The following MYO16 variants were observed in gnomAD, a reference collection of about 807,000 sequenced individuals.
The protein encoded by MYO16 is unconventional myosin-XVI.
MYO16 carries 94 observed loss-of-function variants against 205.3 expected under a neutral mutation model. That is an observed-to-expected ratio of 0.46 (90% CI 0.39 to 0.54). The LOEUF (loss-of-function observed/expected upper bound fraction) is 0.54, where lower values mean the gene tolerates loss of function less well. Ranked by LOEUF, MYO16 falls within the 20% of genes least tolerant of loss-of-function variation. The probability of loss-of-function intolerance (pLI) is 0.00; values close to 1 mark genes in which losing one functional copy is unlikely to be tolerated. For missense variants in MYO16, 2,315 were observed against 2,387.5 expected, an observed-to-expected ratio of 0.97 and a Z score of 0.63; for synonymous variants, 988 against 954.0, an observed-to-expected ratio of 1.04 and a Z score of -0.66.
rs746887690 is a variant in MYO16 at position 109,189,112 on chromosome 13, AAAG to A, written c.5415+9483_5415+9485del. Among the ~76,000 whole-genome samples the A allele has an allele frequency of 6.6e-5, 10 of 152,178 alleles. No homozygotes were observed. The South Asian group carries it at 1.0e-3, about 16-fold the overall frequency. On this transcript the variant is annotated intron_variant, in intron 34 of 34. Coordinates refer to ENST00000457511, the MANE Select transcript of MYO16 (RefSeq NM_001198950.3). ...TCTGTCTAAAAAAAATGAAAAAAAA[AAAG>A]AAGGACACATCCAGCATAGAAGAAA... is the stretch of plus-strand genomic sequence containing the variant.
chr13:108,518,184 T>C, the MYO16 span, among the ~76,000 whole-genome samples: 2 of 152,162 alleles, frequency 1.3e-5, no homozygotes, highest in Non-Finnish European at 2.9e-5. Flanking sequence ...GGTAGAAAAA[T>C]ATAGTAGCTT....
At chr13:108,630,433 A>G (rs1023053040) in intron 1 of MYO16, among the ~76,000 whole-genome samples, 2 of 152,180 alleles carry the variant, frequency 1.3e-5, no homozygotes, top group South Asian at 2.1e-4. Flanking sequence ...TGATGTTCAT[A>G]TGGTGAAATT....
intron 2 of MYO16, among the ~76,000 whole-genome samples, chr13:108,680,008 C>A (rs950072455): frequency 6.7e-6 from 1 of 150,256 alleles, no homozygotes; most frequent in Non-Finnish European, 1.5e-5. Context: ...CTGTGTAGAT[C>A]ATCCCCATTC....
intron 1 of MYO16, among the ~76,000 whole-genome samples, chr13:108,654,064 T>C (rs1881133561): frequency 6.6e-6 from 1 of 151,992 alleles, no homozygotes; most frequent in Non-Finnish European, 1.5e-5. Flanking sequence ...TTTGTATCCT[T>C]GTGTAGGTCT....
At chr13:108,794,362 C>A (rs1205032993) in intron 6 of MYO16, among the ~76,000 whole-genome samples, 1 of 152,198 alleles carries the variant, frequency 6.6e-6, no homozygotes, top group Non-Finnish European at 1.5e-5. Context: ...ATGCTTATGC[C>A]ACTACCCAAT....
At chr13:108,865,700 T>G (rs1453653217) in intron 11 of MYO16, among the ~76,000 whole-genome samples, 2 of 152,228 alleles carry the variant, frequency 1.3e-5, no homozygotes, top group East Asian at 3.9e-4. Context: ...CCATCTGTAC[T>G]TTGTGCCTTT....
At chr13:108,830,475 T>C (rs950798085) in intron 9 of MYO16, among the ~76,000 whole-genome samples, 16 of 151,372 alleles carry the variant, frequency 1.1e-4, no homozygotes, top group Admixed American at 3.3e-4. Context: ...ATGGATGAAA[T>C]TGGAAATCAT....
At chr13:108,666,234 G>C in intron 2 of MYO16, 85 bp downstream of exon 2, 1 of 1,411,220 alleles carries the variant, frequency 7.1e-7, no homozygotes, top group Non-Finnish European at 9.5e-7. Flanking sequence ...TTGATGGAGA[G>C]ATGGGGCAGA....
intron 16 of MYO16, among the ~76,000 whole-genome samples, chr13:108,917,033 AG>A (rs1273531186): frequency 1.0e-3 from 1 of 974 alleles, no homozygotes; most frequent in Non-Finnish European, 2.0e-3. Context: ...TGTGAGATGC[AG>A]AAACTCGAAT....
intron 32 of MYO16, among the ~76,000 whole-genome samples, chr13:109,153,512 A>T (rs1877800042): frequency 6.6e-6 from 1 of 152,120 alleles, no homozygotes; most frequent in African/African-American, 2.4e-5. Flanking sequence ...TCATCTCAAC[A>T]CTTTGGGAAG....
Position 108,794,304 on chromosome 13 carries a change from C to G in MYO16, c.741+664C>G, listed in dbSNP as rs556984821. 1.2e-3 allele frequency among the ~76,000 whole-genome samples: 185 copies of G among 152,312 alleles called. 1 individual carries two copies. Among genetic ancestry groups the G allele is most frequent in the African/African-American group, 4.4e-3 (183 of 41,570 alleles). The stretch of plus-strand genomic sequence containing the variant: ...AATTTACCCATGTAACAACATACAC[C>G]TGCATCCCACTGAGCCTAAAATAAA... On this transcript the variant is annotated intron_variant, in intron 6 of 34. Transcript: ENST00000457511.
intron 28 of MYO16, among the ~76,000 whole-genome samples, chr13:109,119,590 A>T (rs572193453): frequency 2.6e-5 from 4 of 152,338 alleles, no homozygotes; most frequent in Admixed American, 2.6e-4. Context: ...AGAATTACTT[A>T]AAAAGTGTAT....
chr13:109,154,501 TC>T (rs1877878435), intron 32 of MYO16, among the ~76,000 whole-genome samples: 1 of 152,232 alleles, frequency 6.6e-6, no homozygotes. Context: ...AGACCTCACA[TC>T]CACCACTGCT....
At chr13:108,876,984 C>G (rs1879360110) in intron 12 of MYO16, among the ~76,000 whole-genome samples, 1 of 152,060 alleles carries the variant, frequency 6.6e-6, no homozygotes, top group African/African-American at 2.4e-5. Flanking sequence ...TATTCTTTTA[C>G]AAAAAAGCTG....
At chr13:108,501,580 T>C in the MYO16 span, among the ~76,000 whole-genome samples, 1 of 152,240 alleles carries the variant, frequency 6.6e-6, no homozygotes, top group Non-Finnish European at 1.5e-5. Flanking sequence ...TCTTAGCACC[T>C]TTTAAAAGAA....
chr13:109,119,754 A>G (rs560220014), intron 28 of MYO16, among the ~76,000 whole-genome samples: 4 of 152,226 alleles, frequency 2.6e-5, no homozygotes, highest in Admixed American at 6.5e-5. Context: ...CTGGAAAAGT[A>G]TGTTCATCCC....
intron 1 of MYO16, among the ~76,000 whole-genome samples, chr13:108,600,196 A>G (rs1278063970): frequency 1.3e-5 from 2 of 152,192 alleles, no homozygotes. Context: ...GTAGGGGGAA[A>G]TTGATGAACA....
At chr13:108,736,861 C>A (rs922187737) in intron 4 of MYO16, among the ~76,000 whole-genome samples, 1 of 152,186 alleles carries the variant, frequency 6.6e-6, no homozygotes, top group Non-Finnish European at 1.5e-5. Flanking sequence ...CTTCACATCC[C>A]TTGTAAGTTG....
intron 22 of MYO16, among the ~76,000 whole-genome samples, chr13:109,010,991 C>G (rs1422786405): frequency 8.1e-6 from 1 of 123,428 alleles, no homozygotes; most frequent in African/African-American, 3.1e-5. Context: ...TCACCTCCAG[C>G]CTCTTCAGAG....
Sources: allele counts gnomAD v4.1 joint callset (sites outside exome capture counted in the v4.1 genomes callset), GRCh38; gene constraint gnomAD v4.1.1; transcripts MANE v1.5; gene names NCBI Gene and HGNC (gene_info 2026-07-23, HGNC 2026-07-21).